PCCB: variants seen among roughly 807,000 people sequenced by gnomAD.
The protein encoded by PCCB is propionyl-CoA carboxylase subunit beta.
Under a neutral mutation model 60.7 loss-of-function variants are expected in PCCB, and 43 were observed. The ratio of observed to expected loss-of-function variants is 0.71; its 90% confidence interval spans 0.55 to 0.91. The LOEUF is 0.91. Among genes scored for constraint, PCCB ranks in the 40% least tolerant of loss-of-function variants. The pLI is 0.00. For synonymous variants in PCCB, 276 were observed against 255.9 expected, an observed-to-expected ratio of 1.08 and a Z score of -0.75; for missense variants, 766 against 702.8, an observed-to-expected ratio of 1.09 and a Z score of -1.02.
At position 136,301,179 on chromosome 3, in the gene PCCB, TAGTG is replaced by T. The variant is rs1462636672; in HGVS notation, c.966+71_966+74del. 12 of 1,288,802 alleles carry T rather than the reference TAGTG, an allele frequency of 9.3e-6. No homozygotes were observed. In the Admixed American group the frequency reaches 1.0e-4, roughly 11 times the overall value. 79.8% of individuals were successfully genotyped at this position (1,288,802 alleles called of 1,614,324 possible). ...CATTCATGGGCATTGTGCTTCGGCT[TAGTG>T]AGGAAGCACTGGACCACTTGGCCTC... On this transcript the variant is annotated intron_variant, in intron 9 of 14. Transcript: ENST00000251654.
intron 10 of PCCB, among the ~76,000 whole-genome samples, chr3:136,324,984 C>A (rs1269905576): frequency 2.6e-5 from 4 of 152,146 alleles, no homozygotes; most frequent in Admixed American, 2.6e-4. Context: ...CCTCCTTCTC[C>A]CAGGTTCAAG....
At chr3:136,298,535 T>C (rs1934040451) in intron 8 of PCCB, among the ~76,000 whole-genome samples, 1 of 152,222 alleles carries the variant, frequency 6.6e-6, no homozygotes, top group Non-Finnish European at 1.5e-5. Flanking sequence ...GTTGTCCTTT[T>C]GAAATAAATA....
At chr3:136,265,830 G>GT (rs112091595) in intron 5 of PCCB, among the ~76,000 whole-genome samples, 12,299 of 141,422 alleles carry the variant, frequency 0.087, 538 homozygotes, top group Non-Finnish European at 0.1. Context: ...GTCTTTTTTT[G>GT]TTTTTTTTTT....
rs183209265 is a variant in PCCB at position 136,302,690 on chromosome 3, A to G, written c.966+1579A>G. Among the ~76,000 whole-genome samples the G allele has an allele frequency of 5.1e-3, 590 of 116,336 alleles. 179 individuals carry two copies. The East Asian group carries it at 0.22, about 43-fold the overall frequency. The allele number at this position is 116,336 out of a possible 152,430, so 76.3% of individuals were successfully genotyped here. A position where few individuals can be genotyped will look rare whatever the true frequency, so the allele number is the denominator to read the frequency against. On this transcript the variant is annotated intron_variant, in intron 9 of 14. Coordinates refer to ENST00000251654, the MANE Select transcript of PCCB (RefSeq NM_000532.5). ...TAACTCGTCATTTAGCATTAGGTAT[A>G]TCTCCTAATGCTATCCCTCCCCCCT...
At position 136,257,343 on chromosome 3, in the gene PCCB, CTA is replaced by C. The variant is rs1277878354; in HGVS notation, c.372+721_372+722del. 3.9e-5 allele frequency among the ~76,000 whole-genome samples: 6 copies of C among 152,274 alleles called. No individual in the cohort carries two copies. In the South Asian group the frequency reaches 1.2e-3, roughly 32 times the overall value. On this transcript the variant is annotated intron_variant, in intron 3 of 14. Transcript: ENST00000251654. ...ATCAGCAAAGGAGTGCCCATGGTCTCTAGGAGCTGGTAAAGGCAAGAAAACAC... is the reference window on the plus strand; with the variant it reads ...ATCAGCAAAGGAGTGCCCATGGTCTCGGAGCTGGTAAAGGCAAGAAAACAC...
chr3:136,268,056 G>A (rs1942055757), intron 5 of PCCB, among the ~76,000 whole-genome samples: 2 of 91,894 alleles, frequency 2.2e-5, no homozygotes, highest in African/African-American at 7.0e-5. Flanking sequence ...GCTAGTGTGT[G>A]TGTGTGTGCG....
Position 136,327,151 on chromosome 3 carries a change from C to G in PCCB, c.1199-4C>G, listed in dbSNP as rs1361484856. ...GGTATCTAGTAACTCTTCCTCATGT[C>G]TAGGCACAGCACAGGAATACGGGGG... On this transcript the variant is annotated splice_region_variant and splice_polypyrimidine_tract_variant and intron_variant, in intron 11 of 14. Coordinates refer to ENST00000251654, the MANE Select transcript of PCCB (RefSeq NM_000532.5). The G allele has an allele frequency of 3.1e-6, 5 of 1,613,730 alleles. No individual in the cohort carries two copies. The highest frequency in any genetic ancestry group is 4.2e-6 in the Non-Finnish European group (5 of 1,179,636).
intron 6 of PCCB, among the ~76,000 whole-genome samples, chr3:136,286,109 G>T (rs1365240528): frequency 6.6e-6 from 1 of 152,158 alleles, no homozygotes; most frequent in Non-Finnish European, 1.5e-5. Flanking sequence ...TAGGTAAATG[G>T]ACAGAAAGAC....
At chr3:136,279,449 A>G (rs1453497608) in intron 5 of PCCB, among the ~76,000 whole-genome samples, 1 of 151,944 alleles carries the variant, frequency 6.6e-6, no homozygotes, top group Admixed American at 6.6e-5. Flanking sequence ...CATATTTTAA[A>G]GTTTGTTTTC....
intron 8 of PCCB, among the ~76,000 whole-genome samples, chr3:136,300,109 C>T (rs911488309): frequency 1.3e-5 from 2 of 150,820 alleles, no homozygotes; most frequent in Non-Finnish European, 3.0e-5. Flanking sequence ...TACATACATG[C>T]ATATCTACAC....
chr3:136,287,278 G>A (rs1264966943), intron 6 of PCCB, among the ~76,000 whole-genome samples: 6 of 152,162 alleles, frequency 3.9e-5, no homozygotes, highest in African/African-American at 1.4e-4. Context: ...TTTACGTTAA[G>A]TGAAACCATA....
intron 6 of PCCB, among the ~76,000 whole-genome samples, chr3:136,285,839 T>G (rs1001023111): frequency 6.6e-6 from 1 of 152,372 alleles, no homozygotes; most frequent in Middle Eastern, 3.4e-3. Context: ...TGCATATTAG[T>G]GAGACTTCCT....
intron 6 of PCCB, among the ~76,000 whole-genome samples, chr3:136,286,945 C>T (rs953769000): frequency 2.6e-5 from 4 of 151,590 alleles, no homozygotes; most frequent in African/African-American, 9.7e-5. Flanking sequence ...GCAGGAGAAT[C>T]GCTTCAACCT....
At chr3:136,325,770 T>G (rs1320036638) in intron 10 of PCCB, among the ~76,000 whole-genome samples, 2 of 152,224 alleles carry the variant, frequency 1.3e-5, no homozygotes, top group African/African-American at 4.8e-5. Context: ...TTTCACATGC[T>G]GAAATCAACC....
intron 10 of PCCB, chr3:136,326,414 T>A (rs1372559177): frequency 1.4e-6 from 1 of 702,652 alleles, no homozygotes; most frequent in East Asian, 2.7e-5. Context: ...AAAGGCAAAG[T>A]AATTTCTCAA....
At chr3:136,300,939 C>A (rs78856847) in intron 8 of PCCB, 91 bp from the exon 9 acceptor site, 2 of 886,358 alleles carry the variant, frequency 2.3e-6, no homozygotes, top group Admixed American at 3.6e-5. Context: ...GTCCCTATGA[C>A]GTGTCACCCC....
rs1941486133 is a variant in PCCB at position 136,250,569 on chromosome 3, A to G, written c.183+11A>G. 6.2e-7 allele frequency: 1 copy of G among 1,608,454 alleles called. No individual in the cohort carries two copies. Among genetic ancestry groups the G allele is most frequent in the Non-Finnish European group, 8.5e-7 (1 of 1,177,700 alleles). Reference sequence around the variant, plus strand: ...GCGCAGCACAAGCGAGTGAGTCCTGAGGGGCCTAAGTGAGTCCCGCCCCTG... The same window carrying G: ...GCGCAGCACAAGCGAGTGAGTCCTGGGGGGCCTAAGTGAGTCCCGCCCCTG... On this transcript the variant is annotated intron_variant, in intron 1 of 14. Coordinates refer to ENST00000251654, the MANE Select transcript of PCCB (RefSeq NM_000532.5).
intron 5 of PCCB, among the ~76,000 whole-genome samples, chr3:136,275,889 G>A (rs548879878): frequency 6.6e-6 from 1 of 152,276 alleles, no homozygotes; most frequent in East Asian, 1.9e-4. Context: ...TCCTGCCTCA[G>A]CTTCCCGAGT....
At position 136,258,607 on chromosome 3, in the gene PCCB, A is replaced by C. The variant is rs372351474; in HGVS notation, c.373-1872A>C. The stretch of plus-strand genomic sequence containing the variant: ...TTGCCTGATAATTGGCTGTTGGTGT[A>C]TTCTGAGGGGGAGAGAAAAAAAGGG... On this transcript the variant is annotated intron_variant, in intron 3 of 14. Coordinates refer to ENST00000251654, the MANE Select transcript of PCCB (RefSeq NM_000532.5). 1.8e-4 allele frequency among the ~76,000 whole-genome samples: 28 copies of C among 152,128 alleles called. No individual in the cohort carries two copies. In the East Asian group the frequency reaches 2.5e-3, roughly 14 times the overall value.
Sources: gnomAD v4.1 joint callset for allele counts (sites outside exome capture counted in the v4.1 genomes callset) on GRCh38, gnomAD v4.1.1 for gene constraint, MANE v1.5 for transcripts, NCBI Gene and HGNC (gene_info 2026-07-23, HGNC 2026-07-21) for gene names.